FSHR: variants seen among roughly 807,000 people sequenced by gnomAD.
FSHR encodes follicle-stimulating hormone receptor.
A neutral mutation model predicts 52.1 loss-of-function variants in FSHR; 46 were observed. That is an observed-to-expected ratio of 0.88 (90% CI 0.70 to 1.13). FSHR has a LOEUF of 1.13. FSHR is among the 50% of genes most tolerant of loss of function. The probability of loss-of-function intolerance (pLI) is 0.00; values close to 1 mark genes in which losing one functional copy is unlikely to be tolerated. For missense variants in FSHR, 964 were observed against 834.6 expected, an observed-to-expected ratio of 1.16 and a Z score of -1.91; for synonymous variants, 399 against 309.6, an observed-to-expected ratio of 1.29 and a Z score of -3.03.
intron 2 of FSHR, among the ~76,000 whole-genome samples, chr2:49,042,934 C>G (rs1572671144): frequency 1.3e-5 from 2 of 152,202 alleles, no homozygotes; most frequent in South Asian, 4.2e-4. Flanking sequence ...TTTTTTATGC[C>G]TAACATTGAC....
chr2:49,043,250 T>G (rs940823821), intron 2 of FSHR, among the ~76,000 whole-genome samples: 17 of 151,976 alleles, frequency 1.1e-4, no homozygotes, highest in Admixed American at 9.8e-4. Flanking sequence ...CAGGTGTGGT[T>G]TGCCACTTCT....
chr2:49,045,395 A>T (rs554582081), intron 2 of FSHR, among the ~76,000 whole-genome samples: 7 of 152,288 alleles, frequency 4.6e-5, no homozygotes, highest in African/African-American at 1.7e-4. Flanking sequence ...TTAAATTTTG[A>T]AGTGCTTTAT....
At chr2:49,118,581 A>G (rs1572767775) in intron 1 of FSHR, among the ~76,000 whole-genome samples, 1 of 152,350 alleles carries the variant, frequency 6.6e-6, no homozygotes, top group East Asian at 1.9e-4. Context: ...AAACTGCTGA[A>G]ATAGTTGCAT....
intron 1 of FSHR, among the ~76,000 whole-genome samples, chr2:49,085,988 A>T (rs1379082835): frequency 6.6e-6 from 1 of 151,966 alleles, no homozygotes; most frequent in Non-Finnish European, 1.5e-5. Flanking sequence ...GGGGAGGGAT[A>T]GCATTAGGAG....
intron 2 of FSHR, among the ~76,000 whole-genome samples, chr2:49,065,412 G>C (rs1390134434): frequency 6.6e-6 from 1 of 152,042 alleles, no homozygotes; most frequent in Non-Finnish European, 1.5e-5. Context: ...GTACATCTGA[G>C]AGGCAGTCAG....
At chr2:49,127,951 G>T (rs1233280503) in intron 1 of FSHR, among the ~76,000 whole-genome samples, 2 of 142,074 alleles carry the variant, frequency 1.4e-5, no homozygotes, top group Non-Finnish European at 3.0e-5. Flanking sequence ...GGAGTGCAGT[G>T]GCGCAATCTC....
intron 2 of FSHR, among the ~76,000 whole-genome samples, chr2:49,022,924 T>C (rs1401199761): frequency 6.6e-6 from 1 of 152,178 alleles, no homozygotes; most frequent in Non-Finnish European, 1.5e-5. Context: ...CTTTTTAGAA[T>C]GCAGATTCTC....
intron 2 of FSHR, among the ~76,000 whole-genome samples, chr2:49,053,056 G>T (rs551134980): frequency 6.6e-6 from 1 of 152,302 alleles, no homozygotes; most frequent in South Asian, 2.1e-4. Context: ...CCAGTGATCT[G>T]GGGGTGGAGG....
At chr2:49,092,464 T>C (rs567757576) in intron 1 of FSHR, among the ~76,000 whole-genome samples, 5 of 152,338 alleles carry the variant, frequency 3.3e-5, no homozygotes, top group African/African-American at 1.2e-4. Context: ...CAATTAAGTA[T>C]GGTGTTTGTG....
chr2:49,106,109 T>C (rs1013249142), intron 1 of FSHR, among the ~76,000 whole-genome samples: 9 of 152,184 alleles, frequency 5.9e-5, no homozygotes, highest in African/African-American at 2.2e-4. Flanking sequence ...TCAAGTGCAA[T>C]GTCAGGAGTA....
chr2:49,021,653 A>G (rs1431427009), intron 2 of FSHR, among the ~76,000 whole-genome samples: 4 of 151,678 alleles, frequency 2.6e-5, no homozygotes, highest in Admixed American at 6.6e-5. Context: ...GGCTGGTGAC[A>G]TCTGTGGCTT....
chr2:48,971,646 T>G (rs1674746735), intron 8 of FSHR, among the ~76,000 whole-genome samples: 1 of 152,196 alleles, frequency 6.6e-6, no homozygotes, highest in South Asian at 2.1e-4. Flanking sequence ...TCCTATATAC[T>G]TACTGATTTT....
At position 49,017,507 on chromosome 2, in the gene FSHR, A is replaced by G; in HGVS notation, c.356T>C (p.Leu119Pro). The part of the protein sequence containing the change: ...LYINPEAFQN[L>P]PNLQYLLISN... ...TTCTTACAGATATTGAAGGTTGGGAAGGTTCTGGAAGGCCTCAGGGTTGAT... is the reference window on the plus strand; with the variant it reads ...TTCTTACAGATATTGAAGGTTGGGAGGGTTCTGGAAGGCCTCAGGGTTGAT... The change falls in exon 4 of 10, where the codon CTT becomes CCT. Residue 119 changes from leucine (L) to proline (P), a missense_variant. Coordinates refer to ENST00000406846, the MANE Select transcript of FSHR (RefSeq NM_000145.4). The G allele has an allele frequency of 1.2e-6, 2 of 1,613,214 alleles. No homozygotes were observed. The highest frequency in any genetic ancestry group is 1.7e-6 in the Non-Finnish European group (2 of 1,179,326).
At chr2:49,154,245 C>T in intron 1 of FSHR, 21 bp downstream of exon 1, 1 of 1,611,972 alleles carries the variant, frequency 6.2e-7, no homozygotes, top group Non-Finnish European at 8.5e-7. Context: ...TGCAGTTGTT[C>T]CCCCTCCCTC....
At chr2:49,040,148 C>T (rs910248882) in intron 2 of FSHR, among the ~76,000 whole-genome samples, 9 of 152,190 alleles carry the variant, frequency 5.9e-5, no homozygotes, top group Non-Finnish European at 1.3e-4. Context: ...TGCTGCGCTA[C>T]TTGAAAATCA....
chr2:49,132,441 G>A (rs956872109), intron 1 of FSHR, among the ~76,000 whole-genome samples: 32 of 152,036 alleles, frequency 2.1e-4, no homozygotes, highest in South Asian at 6.2e-4. Flanking sequence ...ATTTTATTTC[G>A]ATGTTTTGCT....
intron 8 of FSHR, among the ~76,000 whole-genome samples, chr2:48,975,859 G>T (rs1674964103): frequency 6.6e-6 from 1 of 152,184 alleles, no homozygotes. Flanking sequence ...CTTTGCTGAA[G>T]TTGCTTATCA....
At chr2:48,983,893 G>A (rs1453030288) in intron 6 of FSHR, among the ~76,000 whole-genome samples, 2 of 152,128 alleles carry the variant, frequency 1.3e-5, no homozygotes, top group Admixed American at 1.3e-4. Flanking sequence ...CAGTGAGCAG[G>A]GTTCCCTGGA....
At chr2:49,122,144 C>T (rs1235931481) in intron 1 of FSHR, among the ~76,000 whole-genome samples, 3 of 152,154 alleles carry the variant, frequency 2.0e-5, no homozygotes, top group Non-Finnish European at 4.4e-5. Context: ...TTTCCTTTCT[C>T]AACTTTAGGA....
Sources: gnomAD v4.1 joint callset for allele counts (sites outside exome capture counted in the v4.1 genomes callset) on GRCh38, gnomAD v4.1.1 for gene constraint, MANE v1.5 for transcripts, NCBI Gene and HGNC (gene_info 2026-07-23, HGNC 2026-07-21) for gene names.